Variants in ASAH1 observed in about 807,000 individuals in gnomAD.
The protein encoded by ASAH1 is acid ceramidase.
Under a neutral mutation model 59.5 loss-of-function variants are expected in ASAH1, and 70 were observed. The ratio of observed to expected loss-of-function variants is 1.18; its 90% CI spans 0.97 to 1.43. The LOEUF (loss-of-function observed/expected upper bound fraction) is 1.43. ASAH1 is among the 40% of genes most tolerant of loss of function. ASAH1 has a pLI of 0.00. For synonymous variants in ASAH1, 213 were observed against 166.5 expected (o/e 1.28, Z -2.15); for missense variants, 660 against 482.5 (o/e 1.37, Z -3.45).
At chr8:18,062,868 C>CTTTT (rs10562212) in intron 7 of ASAH1, 12 of 181,682 alleles carry the variant, frequency 6.6e-5, no homozygotes, top group East Asian at 2.7e-4. Context: ...GTTCTGTGTT[C>CTTTT]TTTTTTTTTT....
At chr8:18,084,109 G>C (rs781650888), upstream of ASAH1, 7 of 1,590,016 alleles carry the variant, frequency 4.4e-6, no homozygotes, top group South Asian at 4.4e-5. Flanking sequence ...GCAAAGAAGA[G>C]CCGGCTGGGC....
rs187294457 is a variant in ASAH1 at position 18,082,869 on chromosome 8, G to A, written c.78+1112C>T. On this transcript the variant is annotated intron_variant, in intron 1 of 13. Transcript: ENST00000637790. ...CCCAATTCCCATAAAACCAACTACC[G>A]TCAAGCAAATTAATTCCCTACCCAC... Among the ~76,000 whole-genome samples, 11 of 151,930 alleles carry A rather than the reference G, an allele frequency of 7.2e-5. No homozygotes were observed. The East Asian group carries it at 1.6e-3, about 21-fold the overall frequency.
At position 18,062,389 on chromosome 8, in the gene ASAH1, C is replaced by T. The variant is rs762756953; in HGVS notation, c.538G>A (p.Glu180Lys). ...NINNDTWVITEQLKPLTVNLD... is the reference protein window; with the variant it reads ...NINNDTWVITKQLKPLTVNLD... Reference sequence around the variant, plus strand: ...TTCACTGTTAAAGGTTTTAGTTGCTCAGTTATGACCCAGGTATCATTATTT... The same window carrying T: ...TTCACTGTTAAAGGTTTTAGTTGCTTAGTTATGACCCAGGTATCATTATTT... Residue 180 changes from glutamate to lysine, a missense_variant, in exon 8 of 14, where the codon GAG becomes AAG. By Grantham distance (56) the Glu-to-Lys change is moderately conservative (BLOSUM62 1). Coordinates refer to ENST00000637790, the MANE Select transcript of ASAH1 (RefSeq NM_177924.5). 7 of 1,613,968 alleles carry T rather than the reference C, an allele frequency of 4.3e-6. No homozygotes were observed. The highest frequency in any genetic ancestry group is 2.2e-5 in the South Asian group (2 of 91,066).
chr8:18,078,261 G>A (rs1277787403), intron 1 of ASAH1, among the ~76,000 whole-genome samples: 2 of 152,126 alleles, frequency 1.3e-5, no homozygotes, highest in Non-Finnish European at 2.9e-5. Flanking sequence ...AGACAACTGT[G>A]AGCAAAGTTG....
At chr8:18,064,321 C>A in intron 6 of ASAH1, 136 bp downstream of exon 6, 1 of 729,446 alleles carries the variant, frequency 1.4e-6, no homozygotes, top group Non-Finnish European at 2.3e-6. Flanking sequence ...AAAATTTTAC[C>A]AAGAAATAAA....
At chr8:18,064,120 T>C (rs1799828058) in intron 6 of ASAH1, 1 of 480,776 alleles carries the variant, frequency 2.1e-6, no homozygotes, top group African/African-American at 2.0e-5. Context: ...TGTCATGACA[T>C]ACACGAAGAT....
intron 5 of ASAH1, 71 bp downstream of exon 5, chr8:18,067,149 A>ACAGCACCTGTGCTGT: frequency 7.3e-7 from 1 of 1,376,970 alleles, no homozygotes; most frequent in Non-Finnish European, 1.0e-6. Context: ...CTGTATGTAT[A>ACAGCACCTGTGCTGT]TCACACCTCA....
chr8:18,075,282 C>T (rs182765301), intron 2 of ASAH1, among the ~76,000 whole-genome samples: 123 of 152,238 alleles, frequency 8.1e-4, no homozygotes, highest in African/African-American at 2.7e-3. Context: ...CGTGAGCCAC[C>T]GCGTCTGGCT....
rs773352547 is a variant in ASAH1 at position 18,064,446 on chromosome 8, C to A, written c.457+11G>T. Reference sequence around the variant, plus strand: ...CTTCATGCTGCCCACCCTCCCTCAGCGCACAATTACCTTTTTTGTCTTCTG... The same window carrying A: ...CTTCATGCTGCCCACCCTCCCTCAGAGCACAATTACCTTTTTTGTCTTCTG... On this transcript the variant is annotated intron_variant, in intron 6 of 13. Transcript: ENST00000637790. 2 of 1,552,476 alleles carry A rather than the reference C, an allele frequency of 1.3e-6. No homozygotes were observed. The highest frequency in any genetic ancestry group is 1.8e-6 in the Non-Finnish European group (2 of 1,126,366).
At chr8:18,067,115 TA>T in intron 5 of ASAH1, 104 bp downstream of exon 5, 1 of 521,884 alleles carries the variant, frequency 1.9e-6, no homozygotes, top group Non-Finnish European at 2.6e-6. Flanking sequence ...CTGTGCTGTA[TA>T]TCTAAGACAT....
intron 4 of ASAH1, chr8:18,067,806 A>G (rs1799996540): frequency 6.6e-6 from 1 of 152,286 alleles, no homozygotes; most frequent in Non-Finnish European, 1.5e-5. Context: ...AGATGAAGTA[A>G]CTGCATTCTT....
At chr8:18,071,529 G>T in intron 2 of ASAH1, 139 bp from the exon 3 acceptor site, 2 of 618,826 alleles carry the variant, frequency 3.2e-6, no homozygotes, top group Non-Finnish European at 6.0e-6. Context: ...AATTTGGAAA[G>T]AAAGTTCATT....
chr8:18,065,482 T>G (rs1445571792), intron 5 of ASAH1: 1 of 152,154 alleles, frequency 6.6e-6, no homozygotes, highest in Non-Finnish European at 1.5e-5. Flanking sequence ...GTTGGCTATT[T>G]AAAATAATGA....
chr8:18,079,146 G>A (rs951964915), intron 1 of ASAH1, among the ~76,000 whole-genome samples: 2 of 151,898 alleles, frequency 1.3e-5, no homozygotes, highest in Non-Finnish European at 2.9e-5. Flanking sequence ...GGTGGCATGT[G>A]CCTGTAATCC....
chr8:18,059,782 C>G (rs1799616763), intron 10 of ASAH1, 79 bp from the exon 11 acceptor site: 15 of 1,408,454 alleles, frequency 1.1e-5, no homozygotes, highest in Non-Finnish European at 1.4e-5. Flanking sequence ...TTAAATTTTA[C>G]TTTAAGTTCT....
At chr8:18,073,248 G>C (rs1800249054) in intron 2 of ASAH1, 1 of 1,574,350 alleles carries the variant, frequency 6.4e-7, no homozygotes, top group Non-Finnish European at 8.7e-7. Context: ...GAATAAAAGA[G>C]TATCCACCTT....
chr8:18,069,140 C>CAAAA (rs34419879), intron 4 of ASAH1, among the ~76,000 whole-genome samples: 1 of 90,106 alleles, frequency 1.1e-5, no homozygotes, highest in Non-Finnish European at 2.2e-5. Flanking sequence ...GATGAGGTCT[C>CAAAA]AAAAAAAAAA....
At chr8:18,074,664 T>C (rs879902795) in intron 2 of ASAH1, among the ~76,000 whole-genome samples, 3 of 152,174 alleles carry the variant, frequency 2.0e-5, no homozygotes, top group Non-Finnish European at 2.9e-5. Context: ...GCTGTTATTA[T>C]GGCTTTCTCA....
intron 12 of ASAH1, 178 bp from the exon 13 acceptor site, chr8:18,059,069 C>T: frequency 1.5e-6 from 1 of 661,790 alleles, no homozygotes; most frequent in South Asian, 2.0e-5. Context: ...TAATGGATTA[C>T]TTTCCTCTCT....
Sources: allele counts gnomAD v4.1 joint callset (sites outside exome capture counted in the v4.1 genomes callset), GRCh38; gene constraint gnomAD v4.1.1; transcripts MANE v1.5; gene names NCBI Gene and HGNC (gene_info 2026-07-23, HGNC 2026-07-21).